Variants in DMD observed in about 807,000 individuals in gnomAD.
DMD encodes mutant dystrophin.
A neutral mutation model predicts 330.1 loss-of-function variants in DMD; 63 were observed. The observed-to-expected ratio is 0.19, with a 90% CI of 0.16 to 0.24. The LOEUF is 0.24. DMD is among the 10% of genes least tolerant of loss of function. The pLI is 1.00. For synonymous variants in DMD, 1,223 were observed against 959.8 expected (o/e 1.27, Z -5.07); for missense variants, 3,344 against 2,684.1 (o/e 1.25, Z -5.43).
intron 66 of DMD, 145 bp from the exon 67 acceptor site, chrX:31,204,263 T>A: frequency 1.9e-6 from 1 of 513,104 alleles, no homozygotes; most frequent in Non-Finnish European, 3.4e-6. Flanking sequence ...TTTGTGCTAA[T>A]CTGGATATTT....
chrX:32,750,763 T>C (rs1310812928), intron 7 of DMD, among the ~76,000 whole-genome samples: 1 of 111,862 alleles, frequency 8.9e-6, no homozygotes, highest in Non-Finnish European at 1.9e-5. Flanking sequence ...TTATACCTAC[T>C]GATATGGTTT....
intron 44 of DMD, among the ~76,000 whole-genome samples, chrX:32,040,235 C>T: frequency 1.8e-5 from 2 of 111,768 alleles, no homozygotes; most frequent in Admixed American, 1.9e-4. Flanking sequence ...CATAACTTCA[C>T]TGGTGTGTGT....
intron 55 of DMD, among the ~76,000 whole-genome samples, chrX:31,580,364 G>A (rs150557530): frequency 3.5e-4 from 39 of 111,694 alleles, no homozygotes; most frequent in African/African-American, 1.1e-3. Context: ...GGACTTGCTC[G>A]GGCTGGTTAG....
At chrX:31,170,286 T>A (rs775268850) in intron 73 of DMD, among the ~76,000 whole-genome samples, 1 of 111,462 alleles carries the variant, frequency 9.0e-6, no homozygotes, top group Non-Finnish European at 1.9e-5. Context: ...AATACAAGTT[T>A]TATTTATTTT....
At chrX:32,565,557 G>T in intron 16 of DMD, 145 bp downstream of exon 16, 6 of 566,733 alleles carry the variant, frequency 1.1e-5, no homozygotes, top group Middle Eastern at 1.0e-3. Context: ...AACAAGACAG[G>T]CAAAAGAATC....
chrX:31,556,239 C>T (rs958570632), intron 55 of DMD, among the ~76,000 whole-genome samples: 9 of 107,017 alleles, frequency 8.4e-5, no homozygotes, highest in Admixed American at 3.1e-4. Flanking sequence ...TGGTGGCAGG[C>T]GCCTGTGGTA....
intron 7 of DMD, among the ~76,000 whole-genome samples, chrX:32,807,121 T>TAAAAAAAAAAAA (rs1351302403): frequency 2.4e-5 from 1 of 42,356 alleles, no homozygotes; most frequent in Non-Finnish European, 4.0e-5. Flanking sequence ...ACGGAAACAT[T>TAAAAAAAAAAAA]TAAAAAAAAA....
chrX:32,017,079 C>G (rs375881232), intron 44 of DMD, among the ~76,000 whole-genome samples: 1 of 111,954 alleles, frequency 8.9e-6, no homozygotes. Flanking sequence ...CTTTTGGAAA[C>G]GGCTTTGTTT....
intron 2 of DMD, among the ~76,000 whole-genome samples, chrX:32,871,369 C>G (rs1348346733): frequency 1.8e-5 from 2 of 111,260 alleles, no homozygotes; most frequent in Non-Finnish European, 1.9e-5. Flanking sequence ...CTTCCCCCGC[C>G]CTCCCCATAC....
At chrX:31,670,401 C>T (rs1333527530) in intron 53 of DMD, among the ~76,000 whole-genome samples, 1 of 112,106 alleles carries the variant, frequency 8.9e-6, no homozygotes, top group African/African-American at 3.2e-5. Context: ...CAGTGTTTCA[C>T]AATAACATTA....
chrX:32,472,183 T>G lies in DMD; in HGVS notation c.2930A>C (p.Gln977Pro). ...ACAGACCTGCAATTCCCCGAGTCTC[T>G]GCTCCATGATTTCATAGTCGGTGAC... ...LSVTDYEIME[Q>P]RLGELQALQS... The change falls in exon 22 of 79, where the codon CAG (glutamine) becomes CCG (proline). Residue 977 changes from glutamine to proline, a missense_variant. By Grantham distance (76) the Gln-to-Pro change is moderately conservative. Transcript: ENST00000357033. 1.7e-6 allele frequency: 2 copies of G among 1,211,617 alleles called. No homozygotes were observed. The highest frequency in any genetic ancestry group is 2.2e-6 in the Non-Finnish European group (2 of 895,303).
rs745447311 is a variant in DMD at position 33,060,375 on chromosome X, T to A, written c.32-40175A>T. Reference sequence around the variant, plus strand: ...TGAGTGTTTTCTGGCTAAACTGATCTGGCCTGCTAAAACTAAATTTTAGGA... The same window carrying A: ...TGAGTGTTTTCTGGCTAAACTGATCAGGCCTGCTAAAACTAAATTTTAGGA... On this transcript the variant is annotated intron_variant, in intron 1 of 78. Transcript: ENST00000357033. Among the ~76,000 whole-genome samples the A allele has an allele frequency of 4.5e-5, 5 of 111,383 alleles. No individual in the cohort carries two copies. In the South Asian group the frequency reaches 1.9e-3, roughly 43 times the overall value.
chrX:32,245,998 T>C lies in DMD; in HGVS notation c.6291-28935A>G, dbSNP rs200168724. Among the ~76,000 whole-genome samples, 232 of 96,525 alleles carry C rather than the reference T, an allele frequency of 2.4e-3. 3 individuals carry two copies. Among genetic ancestry groups the C allele is most frequent in the East Asian group, 0.018 (55 of 3,054 alleles). The allele number at this position is 96,525 out of a possible 115,157, so 83.8% of individuals were successfully genotyped here. A position where few individuals can be genotyped will look rare whatever the true frequency, so the allele number is the denominator to read the frequency against. ...GCCCTGGCCAGAACTTCCAACACTA[T>C]GTTGAATAGGAGCGGTGAGAGAGGG... On this transcript the variant is annotated intron_variant, in intron 43 of 78. Coordinates refer to ENST00000357033, the MANE Select transcript of DMD (RefSeq NM_004006.3).
chrX:33,149,993 T>A (rs1476353744), intron 1 of DMD, among the ~76,000 whole-genome samples: 1 of 112,005 alleles, frequency 8.9e-6, no homozygotes, highest in East Asian at 2.8e-4. Context: ...TTCCTGCTCA[T>A]GTAATGATCT....
chrX:31,631,637 C>T (rs1224389850), intron 54 of DMD, among the ~76,000 whole-genome samples: 2 of 111,661 alleles, frequency 1.8e-5, no homozygotes, highest in Non-Finnish European at 3.8e-5. Flanking sequence ...CTTTCCTCCG[C>T]TCACAGGTGT....
At chrX:32,722,173 G>GA (rs767101901) in intron 7 of DMD, among the ~76,000 whole-genome samples, 6 of 108,240 alleles carry the variant, frequency 5.5e-5, no homozygotes, top group Admixed American at 1.0e-4. Context: ...TTATTTCTGT[G>GA]AAAAAAAATG....
rs995418041 is a variant in DMD at position 32,896,140 on chromosome X, T to C, written c.94-46320A>G. Among the ~76,000 whole-genome samples, 5 of 111,252 alleles carry C rather than the reference T, an allele frequency of 4.5e-5. No individual in the cohort carries two copies. In the Admixed American group the frequency reaches 4.8e-4, roughly 11 times the overall value. ...AATTAGATGTGCTGTGCCCTGATGCTTTTGCAATAAAGGGTTCAAAAATCT... is the reference window on the plus strand; with the variant it reads ...AATTAGATGTGCTGTGCCCTGATGCCTTTGCAATAAAGGGTTCAAAAATCT... On this transcript the variant is annotated intron_variant, in intron 2 of 78. Transcript: ENST00000357033.
intron 11 of DMD, among the ~76,000 whole-genome samples, chrX:32,623,303 G>A (rs923734269): frequency 9.0e-6 from 1 of 111,423 alleles, no homozygotes; most frequent in Non-Finnish European, 1.9e-5. Flanking sequence ...AGAGGAAGAA[G>A]CAAAATTGAA....
chrX:32,418,971 T>TAAAAAAAAAAAAAA (rs1569561948), intron 29 of DMD, among the ~76,000 whole-genome samples: 1 of 18,931 alleles, frequency 5.3e-5, no homozygotes, highest in African/African-American at 8.5e-4. Context: ...AGACTCTGTC[T>TAAAAAAAAAAAAAA]CAAAAAAAAA....
Sources: gnomAD v4.1 joint callset for allele counts (sites outside exome capture counted in the v4.1 genomes callset) on GRCh38, gnomAD v4.1.1 for gene constraint, MANE v1.5 for transcripts, NCBI Gene and HGNC (gene_info 2026-07-23, HGNC 2026-07-21) for gene names.